The following LPAR1 variants were observed in gnomAD, a reference collection of about 807,000 sequenced individuals.
The protein encoded by LPAR1 is LPA receptor 1.
Under a neutral mutation model 23.8 loss-of-function variants are expected in LPAR1, and 5 were observed. The ratio of observed to expected loss-of-function variants is 0.21; its 90% CI spans 0.11 to 0.44. LPAR1 has a LOEUF of 0.44. LPAR1 is among the 20% of genes least tolerant of loss of function. The probability of loss-of-function intolerance (pLI) is 0.99; values close to 1 mark genes in which losing one functional copy is unlikely to be tolerated. For missense variants in LPAR1, 311 were observed against 482.8 expected, an observed-to-expected ratio of 0.64 and a Z score of 3.33; for synonymous variants, 160 against 164.7, an observed-to-expected ratio of 0.97 and a Z score of 0.22.
Position 110,941,060 on chromosome 9 carries a change from A to C in LPAR1, c.793+361T>G, listed in dbSNP as rs1202682796. ...TCTACAAAAGCACTTTCTGTCTGAA[A>C]ATATGTAATACAGAAACCACAATGC... On this transcript the variant is annotated intron_variant, in intron 5 of 5. Coordinates refer to ENST00000683809, the MANE Select transcript of LPAR1 (RefSeq NM_001351411.2). The surrounding 1 kb of genome is among the most constrained non-coding windows in gnomAD (Gnocchi z 6.1). Among the ~76,000 whole-genome samples, 1 of 152,230 alleles carries C rather than the reference A, an allele frequency of 6.6e-6. No homozygotes were observed. The highest frequency in any genetic ancestry group is 1.5e-5 in the Non-Finnish European group (1 of 68,048).
intron 2 of LPAR1, among the ~76,000 whole-genome samples, chr9:110,990,433 G>A (rs2096872619): frequency 6.6e-6 from 1 of 152,078 alleles, no homozygotes; most frequent in African/African-American, 2.4e-5. Context: ...ATAACAGAAT[G>A]ATCTCTGGAA....
intron 5 of LPAR1, among the ~76,000 whole-genome samples, chr9:110,921,213 G>A (rs1459092060): frequency 6.6e-6 from 1 of 152,178 alleles, no homozygotes; most frequent in Non-Finnish European, 1.5e-5. Flanking sequence ...GGTTGAGGCT[G>A]CAGTGAGCTG....
chr9:111,016,592 C>A (rs1373349447), intron 2 of LPAR1, among the ~76,000 whole-genome samples: 1 of 152,196 alleles, frequency 6.6e-6, no homozygotes, highest in Non-Finnish European at 1.5e-5. Flanking sequence ...TACTCTCAGT[C>A]AAGTCAATGC....
At chr9:110,974,861 A>G (rs985752326) in intron 2 of LPAR1, among the ~76,000 whole-genome samples, 3 of 152,052 alleles carry the variant, frequency 2.0e-5, no homozygotes, top group African/African-American at 7.2e-5. Flanking sequence ...AATTACAGGA[A>G]CCCCAAGGTG....
chr9:110,946,708 A>G (rs12551852), intron 4 of LPAR1, among the ~76,000 whole-genome samples: 53 of 152,200 alleles, frequency 3.5e-4, no homozygotes, highest in African/African-American at 1.3e-3. Flanking sequence ...TAAATACAAG[A>G]CCCTGGCAGC....
intron 5 of LPAR1, among the ~76,000 whole-genome samples, chr9:110,899,479 C>T (rs1265307612): frequency 6.6e-6 from 1 of 152,064 alleles, no homozygotes; most frequent in African/African-American, 2.4e-5. Flanking sequence ...AGACTAGAAA[C>T]TGAAGCTGGG....
In LPAR1 at chr9:110,972,076, G is replaced by A. The variant is rs752661852; in HGVS notation, c.42C>T (p.Pro14=). ...TCTGCTAGTTTGAAGCCCTTACCTG[G>A]GGCTGTGAAATTACAGGGATGGAAG... ...ISTSIPVISQ[P]QFTAMNEPQC... Residue 14 remains proline (P), a synonymous_variant, in exon 4 of 6, where the codon CCC becomes CCT. Transcript: ENST00000683809. 4 of 1,613,684 alleles carry A rather than the reference G, an allele frequency of 2.5e-6. No individual in the cohort carries two copies. Among genetic ancestry groups the A allele is most frequent in the Admixed American group, 3.3e-5 (2 of 59,982 alleles).
chr9:110,952,844 C>T (rs1588505432), intron 4 of LPAR1, among the ~76,000 whole-genome samples: 1 of 152,150 alleles, frequency 6.6e-6, no homozygotes, highest in African/African-American at 2.4e-5. Flanking sequence ...GTCCACCTGG[C>T]CCAGCTCCAC....
At chr9:110,880,593 T>A (rs2080480346) in intron 5 of LPAR1, among the ~76,000 whole-genome samples, 1 of 152,176 alleles carries the variant, frequency 6.6e-6, no homozygotes, top group Non-Finnish European at 1.5e-5. Flanking sequence ...AAGTTGTGTT[T>A]TTACAAAAGA....
chr9:110,953,753 C>A (rs761745291), intron 4 of LPAR1, among the ~76,000 whole-genome samples: 1 of 151,858 alleles, frequency 6.6e-6, no homozygotes, highest in East Asian at 1.9e-4. Flanking sequence ...TACTCAGAAT[C>A]AAAGCCAAAG....
chr9:110,965,168 GCAATCACTTTTTAT>G (rs1433656701), intron 4 of LPAR1, among the ~76,000 whole-genome samples: 12 of 152,012 alleles, frequency 7.9e-5, no homozygotes, highest in Non-Finnish European at 1.3e-4. Context: ...GCACCCAGCC[GCAATCACTTTTTAT>G]CAGAACACTG....
At chr9:111,026,454 C>A (rs112508742) in intron 2 of LPAR1, among the ~76,000 whole-genome samples, 1,784 of 152,284 alleles carry the variant, frequency 0.012, 29 homozygotes, top group African/African-American at 0.037. Context: ...TCTAAATATA[C>A]AATCATGTCA....
intron 5 of LPAR1, among the ~76,000 whole-genome samples, chr9:110,908,847 T>G (rs2091887298): frequency 6.6e-6 from 1 of 152,206 alleles, no homozygotes; most frequent in Non-Finnish European, 1.5e-5. Flanking sequence ...ACACGAGAAC[T>G]ACCAATCAGA....
At chr9:111,015,122 A>AGAGAGGCCTCAG (rs1256522215) in intron 2 of LPAR1, among the ~76,000 whole-genome samples, 1 of 152,138 alleles carries the variant, frequency 6.6e-6, no homozygotes, top group Non-Finnish European at 1.5e-5. Flanking sequence ...CCTCAGAAGA[A>AGAGAGGCCTCAG]AACAGTCCTC....
chr9:111,028,550 T>A (rs1412690319), intron 2 of LPAR1, among the ~76,000 whole-genome samples: 1 of 151,760 alleles, frequency 6.6e-6, no homozygotes, highest in Non-Finnish European at 1.5e-5. Context: ...CTTTTTTCTA[T>A]CTTGCATGCA....
At chr9:110,940,751 T>C (rs899019289) in intron 5 of LPAR1, among the ~76,000 whole-genome samples, 8 of 152,222 alleles carry the variant, frequency 5.3e-5, no homozygotes, top group Non-Finnish European at 1.2e-4. Context: ...ATCACTACTA[T>C]GAATTTTTCA....
At chr9:110,986,238 A>T (rs1049443781) in intron 2 of LPAR1, among the ~76,000 whole-genome samples, 1 of 152,088 alleles carries the variant, frequency 6.6e-6, no homozygotes, top group Non-Finnish European at 1.5e-5. Context: ...GGGTGGATAC[A>T]TTTCTACTGA....
At chr9:110,947,385 T>C (rs2136412082) in intron 4 of LPAR1, among the ~76,000 whole-genome samples, 1 of 152,328 alleles carries the variant, frequency 6.6e-6, no homozygotes, top group Middle Eastern at 3.4e-3. Context: ...AAAGAGAAGT[T>C]CATATTCATG....
intron 4 of LPAR1, among the ~76,000 whole-genome samples, chr9:110,955,078 T>TC (rs1263675756): frequency 6.6e-6 from 1 of 152,066 alleles, no homozygotes; most frequent in Non-Finnish European, 1.5e-5. Context: ...GAATAATCCC[T>TC]CACATATCAA....
Sources: allele counts gnomAD v4.1 joint callset (sites outside exome capture counted in the v4.1 genomes callset), GRCh38; gene constraint gnomAD v4.1.1; non-coding constraint Gnocchi (gnomAD v3.1); transcripts MANE v1.5; gene names NCBI Gene and HGNC (gene_info 2026-07-23, HGNC 2026-07-21).